The following ARHGAP10 variants were observed in gnomAD, a reference collection of about 807,000 sequenced individuals.
ARHGAP10 encodes rho GTPase-activating protein 10.
ARHGAP10 carries 87 observed loss-of-function variants against 108.6 expected under a neutral mutation model. That is an observed-to-expected ratio of 0.80 (90% CI 0.67 to 0.96). The LOEUF is 0.96. Ranked by LOEUF, ARHGAP10 falls within the 40% of genes least tolerant of loss-of-function variation. The pLI is 0.00. For missense variants in ARHGAP10, 939 were observed against 954.5 expected, an observed-to-expected ratio of 0.98 and a Z score of 0.21; for synonymous variants, 347 against 341.1, an observed-to-expected ratio of 1.02 and a Z score of -0.19.
chr4:147,800,639 C>T (rs932036935), intron 1 of ARHGAP10, among the ~76,000 whole-genome samples: 5 of 152,160 alleles, frequency 3.3e-5, no homozygotes, highest in South Asian at 2.1e-4. Context: ...TACTGTTTCA[C>T]TGAGCTGTTC....
intron 15 of ARHGAP10, among the ~76,000 whole-genome samples, chr4:147,953,409 A>C (rs991700474): frequency 6.6e-6 from 1 of 152,056 alleles, no homozygotes; most frequent in African/African-American, 2.4e-5. Flanking sequence ...GAGTTTTCTT[A>C]CTGGCAAGAT....
At chr4:148,042,363 A>G (rs1381749617) in intron 19 of ARHGAP10, among the ~76,000 whole-genome samples, 1 of 152,144 alleles carries the variant, frequency 6.6e-6, no homozygotes, top group East Asian at 1.9e-4. Context: ...GTAAATTCAT[A>G]TGCCTTTACA....
chr4:147,860,584 C>A (rs1314108573), intron 5 of ARHGAP10, among the ~76,000 whole-genome samples: 1 of 152,222 alleles, frequency 6.6e-6, no homozygotes, highest in Non-Finnish European at 1.5e-5. Flanking sequence ...TCCATCCACA[C>A]CCCTACATTC....
chr4:147,981,231 T>C (rs574138446), intron 18 of ARHGAP10, among the ~76,000 whole-genome samples: 1 of 152,332 alleles, frequency 6.6e-6, no homozygotes, highest in Admixed American at 6.5e-5. Flanking sequence ...GCTTTTGCCA[T>C]GTCTCAGAGA....
At chr4:147,929,122 T>G (rs1737573145) in intron 13 of ARHGAP10, among the ~76,000 whole-genome samples, 1 of 152,168 alleles carries the variant, frequency 6.6e-6, no homozygotes. Context: ...GGTACCAAGG[T>G]CCAGAAAGTT....
At chr4:147,902,897 A>G (rs1228197786) in intron 10 of ARHGAP10, among the ~76,000 whole-genome samples, 2 of 148,502 alleles carry the variant, frequency 1.3e-5, no homozygotes, top group African/African-American at 5.0e-5. Context: ...GATCAGGGGG[A>G]AGAGAGAGAG....
At chr4:147,988,327 C>T (rs888873373) in intron 18 of ARHGAP10, among the ~76,000 whole-genome samples, 3 of 152,210 alleles carry the variant, frequency 2.0e-5, no homozygotes, top group African/African-American at 7.2e-5. Context: ...TAGCTTTCCT[C>T]TGAACTTCCA....
At chr4:147,748,426 A>C (rs1373001631) in intron 1 of ARHGAP10, among the ~76,000 whole-genome samples, 1 of 152,256 alleles carries the variant, frequency 6.6e-6, no homozygotes, top group African/African-American at 2.4e-5. Context: ...AGTTTTAGAA[A>C]ATAAGATCTG....
chr4:147,937,706 G>A (rs1000490711), intron 13 of ARHGAP10, among the ~76,000 whole-genome samples: 3 of 152,206 alleles, frequency 2.0e-5, no homozygotes, highest in Admixed American at 6.5e-5. Flanking sequence ...GGGGTCAGGC[G>A]TATTGGCTCA....
At chr4:148,020,320 G>A (rs1350165858) in intron 18 of ARHGAP10, among the ~76,000 whole-genome samples, 2 of 151,962 alleles carry the variant, frequency 1.3e-5, no homozygotes, top group African/African-American at 4.8e-5. Flanking sequence ...TAAGTTCTGG[G>A]GCTACATGTA....
rs775935643 is a variant in ARHGAP10 at position 148,063,244 on chromosome 4, G to C, written c.2124G>C (p.Gly708=). 1.2e-6 allele frequency: 2 copies of C among 1,614,046 alleles called. No homozygotes were observed. The highest frequency in any genetic ancestry group is 2.2e-5 in the East Asian group (1 of 44,898). ...CAGCTGTGACACCTCTTTCACCCGG[G>C]TCGTCCCCTTTCCCCTTTTCTCCTC... ...SNSAVTPLSP[G]SSPFPFSPPA... Residue 708 remains glycine, a synonymous_variant, in exon 21 of 23, where the codon GGG becomes GGC. Coordinates refer to ENST00000336498, the MANE Select transcript of ARHGAP10 (RefSeq NM_024605.4).
intron 13 of ARHGAP10, among the ~76,000 whole-genome samples, chr4:147,935,221 G>A (rs919451273): frequency 6.6e-6 from 1 of 152,162 alleles, no homozygotes; most frequent in African/African-American, 2.4e-5. Context: ...GCCCGTCATG[G>A]ATGTGTGCGT....
At chr4:147,813,425 G>A (rs760857499) in intron 1 of ARHGAP10, among the ~76,000 whole-genome samples, 11 of 152,140 alleles carry the variant, frequency 7.2e-5, no homozygotes, top group South Asian at 2.1e-4. Context: ...ATGGCCTTCC[G>A]TGGGAAAAAC....
intron 1 of ARHGAP10, among the ~76,000 whole-genome samples, chr4:147,801,312 A>G (rs1731571694): frequency 6.6e-6 from 1 of 152,208 alleles, no homozygotes; most frequent in African/African-American, 2.4e-5. Flanking sequence ...ACTCCTCTTA[A>G]TGAATCCACT....
intron 14 of ARHGAP10, among the ~76,000 whole-genome samples, chr4:147,945,627 A>G (rs1372671112): frequency 6.6e-6 from 1 of 152,196 alleles, no homozygotes; most frequent in Non-Finnish European, 1.5e-5. Context: ...AGATAGTCTA[A>G]TGAACAGAAA....
At chr4:147,846,694 T>G (rs1009602118) in intron 3 of ARHGAP10, among the ~76,000 whole-genome samples, 2 of 152,212 alleles carry the variant, frequency 1.3e-5, no homozygotes, top group Admixed American at 1.3e-4. Flanking sequence ...GTTTCTGTAA[T>G]GAAGGGCAGA....
At chr4:147,946,864 T>C (rs1261595024) in intron 15 of ARHGAP10, among the ~76,000 whole-genome samples, 160 bp downstream of exon 15, 2 of 152,186 alleles carry the variant, frequency 1.3e-5, no homozygotes, top group African/African-American at 4.8e-5. Flanking sequence ...GAAAGGTAAC[T>C]AGTAGATGCA....
chr4:147,919,413 G>A (rs557712209), intron 13 of ARHGAP10, among the ~76,000 whole-genome samples: 1 of 152,100 alleles, frequency 6.6e-6, no homozygotes, highest in Non-Finnish European at 1.5e-5. Context: ...ACATCAACTC[G>A]TCTTTCATCC....
intron 5 of ARHGAP10, among the ~76,000 whole-genome samples, chr4:147,860,582 C>T (rs1734274805): frequency 6.6e-6 from 1 of 152,254 alleles, no homozygotes; most frequent in South Asian, 2.1e-4. Flanking sequence ...CCTCCATCCA[C>T]ACCCCTACAT....
Sources: gnomAD v4.1 joint callset for allele counts (sites outside exome capture counted in the v4.1 genomes callset) on GRCh38, gnomAD v4.1.1 for gene constraint, MANE v1.5 for transcripts, NCBI Gene and HGNC (gene_info 2026-07-23, HGNC 2026-07-21) for gene names.